RPN2: variants seen among roughly 807,000 people sequenced by gnomAD.
The protein encoded by RPN2 is ribophorin II, also known as dolichyl-diphosphooligosaccharide--protein glycosyltransferase subunit 2.
Under a neutral mutation model 71.4 loss-of-function variants are expected in RPN2, and 29 were observed. The ratio of observed to expected loss-of-function variants is 0.41; its 90% CI spans 0.30 to 0.55. The LOEUF (loss-of-function observed/expected upper bound fraction) is 0.55. Among genes scored for constraint, RPN2 ranks in the 20% least tolerant of loss-of-function variants. The pLI, the probability that RPN2 is intolerant of heterozygous loss-of-function variation, is 0.35. For synonymous variants in RPN2, 308 were observed against 305.0 expected (o/e 1.01, Z -0.10); for missense variants, 726 against 774.1 (o/e 0.94, Z 0.74).
chr20:37,184,074 T>C, intron 1 of RPN2, 106 bp from the exon 2 acceptor site: 2 of 1,366,850 alleles, frequency 1.5e-6, no homozygotes, highest in East Asian at 2.3e-5. Context: ...TCCCTCGCCC[T>C]TCCCCATGTG....
chr20:37,220,650 T>A (rs948103657), intron 9 of RPN2, among the ~76,000 whole-genome samples: 3 of 152,234 alleles, frequency 2.0e-5, no homozygotes, highest in African/African-American at 4.8e-5. Flanking sequence ...AATAAGTCCC[T>A]TTCCTATTAT....
chr20:37,219,951 A>G (rs1162704723), intron 9 of RPN2, among the ~76,000 whole-genome samples: 1 of 152,216 alleles, frequency 6.6e-6, no homozygotes, highest in African/African-American at 2.4e-5. Flanking sequence ...TGTCTTGATT[A>G]CTGTAACAGC....
At chr20:37,196,394 TA>T (rs1404140687) in intron 2 of RPN2, among the ~76,000 whole-genome samples, 1 of 152,100 alleles carries the variant, frequency 6.6e-6, no homozygotes, top group Non-Finnish European at 1.5e-5. Flanking sequence ...CACGCCCAGC[TA>T]ATTTTGTTTT....
chr20:37,207,161 G>A (rs948821001), intron 6 of RPN2, 112 bp from the exon 7 acceptor site: 5 of 816,430 alleles, frequency 6.1e-6, no homozygotes, highest in African/African-American at 5.0e-5. Context: ...TTGACCAAAA[G>A]ACCTCCCATG....
intron 3 of RPN2, among the ~76,000 whole-genome samples, chr20:37,198,694 A>C (rs1277333221): frequency 6.6e-6 from 1 of 151,996 alleles, no homozygotes; most frequent in Non-Finnish European, 1.5e-5. Flanking sequence ...GGTTTTAAAT[A>C]ACCTTTTTGT....
intron 9 of RPN2, among the ~76,000 whole-genome samples, chr20:37,221,146 T>C (rs2146652581): frequency 6.6e-6 from 1 of 152,074 alleles, no homozygotes. Context: ...TAAAAGCTGA[T>C]AGCTTCCTTA....
chr20:37,182,447 A>G (rs749839166), intron 1 of RPN2, among the ~76,000 whole-genome samples: 8 of 151,762 alleles, frequency 5.3e-5, no homozygotes, highest in Non-Finnish European at 1.0e-4. Flanking sequence ...GTGGAGTGCC[A>G]TGGTGTGATC....
At chr20:37,224,721 C>T (rs2068039251) in intron 10 of RPN2, among the ~76,000 whole-genome samples, 1 of 152,146 alleles carries the variant, frequency 6.6e-6, no homozygotes, top group Admixed American at 6.5e-5. Context: ...GGGTATAGTC[C>T]AGACCCCAAC....
chr20:37,197,609 A>C (rs1007044247), intron 2 of RPN2, among the ~76,000 whole-genome samples: 26 of 151,936 alleles, frequency 1.7e-4, no homozygotes, highest in Admixed American at 7.2e-4. Context: ...TTTCTTTTTT[A>C]TTTTTATTTT....
chr20:37,234,861 TG>T (rs2068343850), intron 15 of RPN2, among the ~76,000 whole-genome samples: 2 of 152,182 alleles, frequency 1.3e-5, no homozygotes, highest in African/African-American at 4.8e-5. Flanking sequence ...TTGTATTTTT[TG>T]TAGAGACGGG....
intron 2 of RPN2, among the ~76,000 whole-genome samples, chr20:37,195,307 AG>A (rs2067231608): frequency 6.6e-6 from 1 of 152,194 alleles, no homozygotes; most frequent in Non-Finnish European, 1.5e-5. Flanking sequence ...TGGGCTTTGA[AG>A]CCACTGAACG....
chr20:37,220,227 C>T (rs547360535), intron 9 of RPN2, among the ~76,000 whole-genome samples: 40 of 151,386 alleles, frequency 2.6e-4, no homozygotes, highest in Admixed American at 1.1e-3. Flanking sequence ...GAGAGAGAGT[C>T]GGCTTTGACC....
Position 37,234,090 on chromosome 20 carries a change from A to G in RPN2, c.1748A>G (p.His583Arg), listed in dbSNP as rs748871566. 1 of 1,614,196 alleles carries G rather than the reference A, an allele frequency of 6.2e-7. No homozygotes were observed. The highest frequency in any genetic ancestry group is 1.1e-5 in the South Asian group (1 of 91,074). The change falls in exon 15 of 17, where the codon CAT becomes CGT. Residue 583 changes from histidine to arginine, a missense_variant. His to Arg is a conservative substitution (Grantham distance 29). Coordinates refer to ENST00000237530, the MANE Select transcript of RPN2 (RefSeq NM_002951.5). ...APSTIIFHLG[H>R]AAMLGLMYVY... ...AGCACGATTATATTTCACCTGGGAC[A>G]TGCTGGTAAGTGCCCCAGGCTGCTA... is the stretch of plus-strand genomic sequence containing the variant.
chr20:37,179,723 C>T, intron 1 of RPN2: 1 of 241,340 alleles, frequency 4.1e-6, no homozygotes, highest in East Asian at 8.4e-5. Context: ...CGGCGCTGCC[C>T]CTTACTCCGT....
chr20:37,223,835 C>T (rs1177931539), intron 9 of RPN2, 43 bp from the exon 10 acceptor site: 1 of 1,519,042 alleles, frequency 6.6e-7, no homozygotes, highest in Admixed American at 1.7e-5. Flanking sequence ...TTCCTGAACA[C>T]CCACCAATTG....
rs1569006404 is a variant in RPN2 at position 37,241,393 on chromosome 20, A to G, written c.*78A>G. The G allele has an allele frequency of 2.0e-6, 3 of 1,505,228 alleles. No homozygotes were observed. Among genetic ancestry groups the G allele is most frequent in the Non-Finnish European group, 2.7e-6 (3 of 1,103,894 alleles). 93.2% of individuals were successfully genotyped at this position (1,505,228 alleles called of 1,614,324 possible). A position where few individuals can be genotyped will look rare whatever the true frequency, so the allele number is the denominator to read the frequency against. On this transcript the variant is annotated 3_prime_UTR_variant, in exon 17 of 17. Transcript: ENST00000237530. ...AGAACAATTCACAGTATGAGAAGAA[A>G]AATGGAAAAAAAAAACTTTATTTAA...
intron 7 of RPN2, among the ~76,000 whole-genome samples, chr20:37,209,120 T>C (rs897855453): frequency 1.3e-5 from 2 of 152,212 alleles, no homozygotes; most frequent in Non-Finnish European, 1.5e-5. Context: ...AGCAGTCCCT[T>C]AACCTCTTGT....
intron 2 of RPN2, among the ~76,000 whole-genome samples, chr20:37,193,928 A>G (rs2067200359): frequency 6.6e-6 from 1 of 152,120 alleles, no homozygotes; most frequent in African/African-American, 2.4e-5. Context: ...GTGGGATGAG[A>G]GCCAGGCCTA....
intron 9 of RPN2, among the ~76,000 whole-genome samples, chr20:37,214,268 C>CT (rs1216872432): frequency 6.6e-6 from 1 of 152,172 alleles, no homozygotes; most frequent in Non-Finnish European, 1.5e-5. Flanking sequence ...CCAAGTGACA[C>CT]ATACGTAACA....
Sources: gnomAD v4.1 joint callset for allele counts (sites outside exome capture counted in the v4.1 genomes callset) on GRCh38, gnomAD v4.1.1 for gene constraint, MANE v1.5 for transcripts, NCBI Gene and HGNC (gene_info 2026-07-23, HGNC 2026-07-21) for gene names.